Variants in ABCC1 observed in about 807,000 individuals in gnomAD.
The protein encoded by ABCC1 is ATP binding cassette subfamily C member 1 (ABCC1 blood group).
In ABCC1, 83 loss-of-function variants were observed where a neutral mutation model predicts 172.9. That is an observed-to-expected ratio of 0.48 (90% CI 0.40 to 0.58). The LOEUF (loss-of-function observed/expected upper bound fraction) is 0.58. Among genes scored for constraint, ABCC1 ranks in the 20% least tolerant of loss-of-function variants. ABCC1 has a pLI of 0.00. For synonymous variants in ABCC1, 937 were observed against 825.2 expected, an observed-to-expected ratio of 1.14 and a Z score of -2.32; for missense variants, 1,817 against 2,002.7, an observed-to-expected ratio of 0.91 and a Z score of 1.77.
intron 12 of ABCC1, among the ~76,000 whole-genome samples, chr16:16,059,795 C>A (rs917579905): frequency 1.2e-4 from 18 of 151,778 alleles, no homozygotes; most frequent in Non-Finnish European, 2.1e-4. Flanking sequence ...CAGAGTGAGA[C>A]CCTTTCCTGC....
At chr16:16,031,203 C>T (rs1328950116) in intron 5 of ABCC1, among the ~76,000 whole-genome samples, 4 of 152,266 alleles carry the variant, frequency 2.6e-5, no homozygotes, top group South Asian at 4.1e-4. Context: ...AACCACTGGA[C>T]GAGAGTATGC....
intron 24 of ABCC1, among the ~76,000 whole-genome samples, chr16:16,123,980 C>T (rs1267459627): frequency 6.6e-6 from 1 of 152,002 alleles, no homozygotes; most frequent in Non-Finnish European, 1.5e-5. Context: ...TCATGTCATC[C>T]ACACTCCAGC....
chr16:16,094,019 C>G (rs1176087878), intron 19 of ABCC1, among the ~76,000 whole-genome samples: 1 of 95,022 alleles, frequency 1.1e-5, no homozygotes, highest in Admixed American at 1.2e-4. Context: ...AATGGCATTC[C>G]TTTTATTCCT....
chr16:15,997,769 C>A (rs903628833), intron 1 of ABCC1, among the ~76,000 whole-genome samples: 1 of 151,400 alleles, frequency 6.6e-6, no homozygotes, highest in African/African-American at 2.4e-5. Context: ...ACATTAGGGT[C>A]CCTGCCGGTA....
At chr16:16,078,645 T>C (rs2050683815) in intron 15 of ABCC1, among the ~76,000 whole-genome samples, 1 of 152,176 alleles carries the variant, frequency 6.6e-6, no homozygotes, top group South Asian at 2.1e-4. Flanking sequence ...TGTTTCTGTG[T>C]GTGGGACACT....
chr16:16,007,776 G>T, intron 1 of ABCC1, 40 bp from the exon 2 acceptor site: 1 of 1,575,612 alleles, frequency 6.3e-7, no homozygotes, highest in Non-Finnish European at 8.6e-7. Context: ...GTCCTCTGGG[G>T]TGTGTCCTGC....
intron 23 of ABCC1, among the ~76,000 whole-genome samples, chr16:16,121,135 G>T (rs951751377): frequency 3.9e-5 from 6 of 152,140 alleles, no homozygotes; most frequent in Admixed American, 3.9e-4. Context: ...TCACATGTAA[G>T]ACTGTAACTC....
At chr16:15,979,836 G>C (rs747787942) in intron 1 of ABCC1, among the ~76,000 whole-genome samples, 2 of 152,060 alleles carry the variant, frequency 1.3e-5, no homozygotes, top group Non-Finnish European at 2.9e-5. Context: ...TGTGGTGTGT[G>C]CCTGGCCTTG....
chr16:15,994,260 A>G (rs979445303), intron 1 of ABCC1, among the ~76,000 whole-genome samples: 9 of 152,136 alleles, frequency 5.9e-5, no homozygotes, highest in African/African-American at 2.2e-4. Flanking sequence ...AAAAGGCCTT[A>G]GAGTTCAAGC....
At chr16:16,117,335 A>C (rs990731109) in intron 23 of ABCC1, among the ~76,000 whole-genome samples, 5 of 152,190 alleles carry the variant, frequency 3.3e-5, no homozygotes, top group Non-Finnish European at 7.3e-5. Flanking sequence ...TGTGAGAACT[A>C]ACTCACTATC....
intron 1 of ABCC1, among the ~76,000 whole-genome samples, chr16:16,002,526 A>C (rs1179610557): frequency 6.6e-6 from 1 of 152,216 alleles, no homozygotes; most frequent in African/African-American, 2.4e-5. Flanking sequence ...TGATCCCAGC[A>C]CTTTGGGTGG....
chr16:16,044,264 G>C (rs113576186), intron 7 of ABCC1, among the ~76,000 whole-genome samples, 186 bp from the exon 8 acceptor site: 1 of 152,166 alleles, frequency 6.6e-6, no homozygotes, highest in Non-Finnish European at 1.5e-5. Flanking sequence ...ACCTTGAGCC[G>C]GTGGCTCTGG....
chr16:16,000,935 A>G (rs1356778155), intron 1 of ABCC1, among the ~76,000 whole-genome samples: 1 of 152,212 alleles, frequency 6.6e-6, no homozygotes, highest in Non-Finnish European at 1.5e-5. Context: ...AAGACATTGC[A>G]GAGAGAGGAT....
intron 26 of ABCC1, among the ~76,000 whole-genome samples, chr16:16,131,166 T>G (rs1211795971): frequency 1.3e-5 from 2 of 152,110 alleles, no homozygotes; most frequent in Admixed American, 6.6e-5. Context: ...TACAATTATT[T>G]TAAAAGAATG....
chr16:16,113,315 G>A (rs576053178), intron 22 of ABCC1, among the ~76,000 whole-genome samples: 1 of 152,284 alleles, frequency 6.6e-6, no homozygotes, highest in African/African-American at 2.4e-5. Context: ...GTGCTGTCTG[G>A]TGCGGTAGTC....
chr16:16,136,004 C>G (rs45533034), intron 28 of ABCC1, among the ~76,000 whole-genome samples: 1 of 103,728 alleles, frequency 9.6e-6, no homozygotes, highest in Non-Finnish European at 2.0e-5. Flanking sequence ...CAAACTCAGA[C>G]TTTCCAGACT....
At chr16:16,069,981 C>T (rs1242432594) in intron 13 of ABCC1, among the ~76,000 whole-genome samples, 5 of 152,082 alleles carry the variant, frequency 3.3e-5, no homozygotes, top group Non-Finnish European at 4.4e-5. Flanking sequence ...TGCAGTGAGC[C>T]GAGATTGTGC....
At chr16:16,136,747 G>A in intron 29 of ABCC1, 103 bp downstream of exon 29, 2 of 1,338,188 alleles carry the variant, frequency 1.5e-6, no homozygotes, top group South Asian at 1.5e-5. Context: ...CTGGATTTGA[G>A]TCCCAGATGA....
chr16:16,070,545 G>T (rs1448501968), intron 13 of ABCC1, among the ~76,000 whole-genome samples: 1 of 151,930 alleles, frequency 6.6e-6, no homozygotes, highest in Non-Finnish European at 1.5e-5. Context: ...GGTGCCTGTA[G>T]TCCCAGCTAC....
Sources: gnomAD v4.1 joint callset for allele counts (sites outside exome capture counted in the v4.1 genomes callset) on GRCh38, gnomAD v4.1.1 for gene constraint, MANE v1.5 for transcripts, NCBI Gene and HGNC (gene_info 2026-07-23, HGNC 2026-07-21) for gene names.